C20orf96: variants seen among roughly 807,000 people sequenced by gnomAD.
C20orf96 encodes the protein uncharacterized protein C20orf96.
A neutral mutation model predicts 52.6 loss-of-function variants in C20orf96; 57 were observed. That is an observed-to-expected ratio of 1.08 (90% CI 0.88 to 1.35). C20orf96 has a LOEUF of 1.35. Ranked by LOEUF, C20orf96 falls within the 40% of genes most tolerant of loss-of-function variation. The probability of loss-of-function intolerance (pLI) is 0.00; values close to 1 mark genes in which losing one functional copy is unlikely to be tolerated. For synonymous variants in C20orf96, 168 were observed against 157.2 expected, an observed-to-expected ratio of 1.07 and a Z score of -0.51; for missense variants, 478 against 443.6, an observed-to-expected ratio of 1.08 and a Z score of -0.70.
chr20:278,562 T>C, intron 5 of C20orf96, 133 bp from the exon 6 acceptor site: 1 of 703,440 alleles, frequency 1.4e-6, no homozygotes, highest in South Asian at 1.5e-5. Flanking sequence ...ATCGGGACAG[T>C]AACAGTGTCC....
intron 1 of C20orf96, 114 bp downstream of exon 1, chr20:290,477 G>A (rs2012512420): frequency 6.7e-7 from 1 of 1,496,762 alleles, no homozygotes; most frequent in Non-Finnish European, 8.9e-7. Context: ...GAGAGGACGG[G>A]GGTCAGAAGA....
chr20:274,558 A>T (rs1197092898), intron 10 of C20orf96, among the ~76,000 whole-genome samples: 1 of 152,110 alleles, frequency 6.6e-6, no homozygotes, highest in Non-Finnish European at 1.5e-5. Flanking sequence ...CCTGGCCCAC[A>T]TGCACCTTAC....
At chr20:285,615 T>G (rs888343849) in intron 3 of C20orf96, among the ~76,000 whole-genome samples, 41 of 152,216 alleles carry the variant, frequency 2.7e-4, no homozygotes, top group Non-Finnish European at 4.0e-4. Context: ...TCTTATTAGC[T>G]CCGTTGCCCA....
chr20:276,709 G>A lies in C20orf96; in HGVS notation c.912+84C>T, dbSNP rs575009552. 3.7e-5 allele frequency: 58 copies of A among 1,553,602 alleles called. No individual in the cohort carries two copies. The Middle Eastern group carries it at 8.4e-4, about 23-fold the overall frequency. On this transcript the variant is annotated intron_variant, in intron 9 of 10. Transcript: ENST00000360321. ...AGACCTCCTGAGCGCCAGATCAGGAGAAGCCTGACTCATTCCCACAGGCCG... is the reference window on the plus strand; with the variant it reads ...AGACCTCCTGAGCGCCAGATCAGGAAAAGCCTGACTCATTCCCACAGGCCG...
chr20:271,443 T>TAC (rs71191933), intron 10 of C20orf96, among the ~76,000 whole-genome samples, 176 bp from the exon 11 acceptor site: 9,784 of 134,434 alleles, frequency 0.073, 374 homozygotes, highest in African/African-American at 0.11. Context: ...TACACAAGCA[T>TAC]ACACACACAC....
At chr20:281,429 T>C (rs917805997) in intron 4 of C20orf96, among the ~76,000 whole-genome samples, 4 of 152,228 alleles carry the variant, frequency 2.6e-5, no homozygotes, top group Admixed American at 6.5e-5. Flanking sequence ...CTACTGTCTC[T>C]GGCTCTAACC....
At chr20:274,932 C>T (rs1302919491) in intron 10 of C20orf96, among the ~76,000 whole-genome samples, 2 of 152,148 alleles carry the variant, frequency 1.3e-5, no homozygotes, top group South Asian at 2.1e-4. Flanking sequence ...CAATTCTCTG[C>T]CTCAGCCTCC....
chr20:287,199 C>T (rs1278789233), intron 3 of C20orf96, among the ~76,000 whole-genome samples: 6 of 152,156 alleles, frequency 3.9e-5, no homozygotes, highest in Admixed American at 2.6e-4. Flanking sequence ...ACTGCTGGGT[C>T]GGATTACTAG....
chr20:285,610 T>C (rs553570830), intron 3 of C20orf96, among the ~76,000 whole-genome samples: 1 of 152,160 alleles, frequency 6.6e-6, no homozygotes, highest in Admixed American at 6.6e-5. Flanking sequence ...TACACTCTTA[T>C]TAGCTCCGTT....
At chr20:271,290 G>C (rs751843324) in intron 10 of C20orf96, 23 bp from the exon 11 acceptor site, 1 of 1,541,916 alleles carries the variant, frequency 6.5e-7, no homozygotes, top group South Asian at 1.2e-5. Flanking sequence ...AGCACAGAAG[G>C]CCATGAGAGA....
intron 3 of C20orf96, among the ~76,000 whole-genome samples, chr20:288,042 C>T (rs936738744): frequency 6.6e-6 from 1 of 151,440 alleles, no homozygotes; most frequent in Non-Finnish European, 1.5e-5. Flanking sequence ...GGCCCTAGGC[C>T]CCAAAGATTT....
intron 3 of C20orf96, among the ~76,000 whole-genome samples, chr20:285,610 T>A (rs553570830): frequency 1.4e-4 from 22 of 152,278 alleles, no homozygotes; most frequent in Non-Finnish European, 2.9e-4. Context: ...TACACTCTTA[T>A]TAGCTCCGTT....
intron 1 of C20orf96, 112 bp downstream of exon 1, chr20:290,479 G>T: frequency 1.3e-6 from 2 of 1,488,768 alleles, no homozygotes; most frequent in African/African-American, 4.0e-5. Flanking sequence ...GAGGACGGGG[G>T]TCAGAAGACC....
intron 10 of C20orf96, 116 bp downstream of exon 10, chr20:275,852 T>A: frequency 8.6e-5 from 81 of 937,156 alleles, no homozygotes; most frequent in Middle Eastern, 2.3e-4. Context: ...GGACCGCCCC[T>A]CCCTCCCTGT....
chr20:287,064 C>G (rs1247487390), intron 3 of C20orf96, among the ~76,000 whole-genome samples: 3 of 152,218 alleles, frequency 2.0e-5, no homozygotes, highest in Non-Finnish European at 4.4e-5. Context: ...CATTCACCCA[C>G]TGAGGGACTT....
intron 2 of C20orf96, among the ~76,000 whole-genome samples, chr20:290,030 G>A (rs999263726): frequency 6.6e-6 from 1 of 152,208 alleles, no homozygotes; most frequent in African/African-American, 2.4e-5. Context: ...GCAATCAGAT[G>A]AATAAGAGAG....
chr20:279,970 A>G (rs1475604595), intron 4 of C20orf96, among the ~76,000 whole-genome samples: 1 of 150,544 alleles, frequency 6.6e-6, no homozygotes, highest in African/African-American at 2.5e-5. Context: ...TTCCTGTCCC[A>G]ATAATAATAA....
chr20:285,590 A>C (rs1394819872), intron 3 of C20orf96, among the ~76,000 whole-genome samples: 2 of 152,098 alleles, frequency 1.3e-5, no homozygotes, highest in Non-Finnish European at 2.9e-5. Context: ...ATTTAAGTTG[A>C]AAGGTTTAAT....
intron 1 of C20orf96, 109 bp from the exon 2 acceptor site, chr20:290,416 G>C (rs1600193263): frequency 1.9e-6 from 3 of 1,553,836 alleles, no homozygotes; most frequent in Admixed American, 2.0e-5. Context: ...GCAGTTTACC[G>C]GGGACAATAG....
Sources: allele counts gnomAD v4.1 joint callset (sites outside exome capture counted in the v4.1 genomes callset), GRCh38; gene constraint gnomAD v4.1.1; transcripts MANE v1.5; gene names NCBI Gene and HGNC (gene_info 2026-07-23, HGNC 2026-07-21).